The following SSPN variants were observed in gnomAD, a reference collection of about 807,000 sequenced individuals.
The protein encoded by SSPN is sarcospan, also known as K-ras oncogene-associated protein.
In SSPN, 15 loss-of-function variants were observed where a neutral mutation model predicts 19.1. The observed-to-expected ratio is 0.78, with a 90% CI of 0.52 to 1.21. The LOEUF (loss-of-function observed/expected upper bound fraction) is 1.21, where lower values mean the gene tolerates loss of function less well. Among genes scored for constraint, SSPN ranks in the 50% most tolerant of loss-of-function variants. The probability of loss-of-function intolerance (pLI) is 0.00; values close to 1 mark genes in which losing one functional copy is unlikely to be tolerated. For missense variants in SSPN, 291 were observed against 314.0 expected (o/e 0.93, Z 0.55); for synonymous variants, 147 against 140.3 (o/e 1.05, Z -0.34).
intron 1 of SSPN, among the ~76,000 whole-genome samples, chr12:26,163,063 G>GTGTGTGTA (rs1944599763): frequency 7.5e-6 from 1 of 132,774 alleles, no homozygotes; most frequent in South Asian, 2.4e-4. Context: ...GTGTGTGTAT[G>GTGTGTGTA]TGTGTGTGTG....
chr12:26,152,268 C>T (rs930432288), intron 1 of SSPN, among the ~76,000 whole-genome samples: 2 of 152,084 alleles, frequency 1.3e-5, no homozygotes, highest in Admixed American at 1.3e-4. Flanking sequence ...GTAATATTTC[C>T]ACCAAACAGA....
At chr12:26,122,469 A>G in intron 1 of SSPN, 2 of 1,347,686 alleles carry the variant, frequency 1.5e-6, no homozygotes, top group Admixed American at 2.8e-5. Flanking sequence ...GCAGAAGGGC[A>G]GGCAGAAGGG....
intron 1 of SSPN, among the ~76,000 whole-genome samples, chr12:26,205,746 A>T (rs1253610580): frequency 6.6e-6 from 1 of 152,228 alleles, no homozygotes; most frequent in African/African-American, 2.4e-5. Flanking sequence ...ATGATCATAA[A>T]TGAGAAGGGA....
upstream of SSPN, among the ~76,000 whole-genome samples, chr12:26,191,768 C>A (rs957726952): frequency 6.6e-6 from 1 of 151,844 alleles, no homozygotes; most frequent in African/African-American, 2.4e-5. Context: ...TTAGGTATGG[C>A]GGCCAGCAAG....
At chr12:26,175,992 A>G (rs1944681517) in intron 1 of SSPN, among the ~76,000 whole-genome samples, 2 of 152,056 alleles carry the variant, frequency 1.3e-5, no homozygotes, top group Admixed American at 6.5e-5. Flanking sequence ...ATATGCCACC[A>G]CGTCTGGCTA....
At chr12:26,149,052 A>G (rs1387459711) in intron 1 of SSPN, among the ~76,000 whole-genome samples, 1 of 152,146 alleles carries the variant, frequency 6.6e-6, no homozygotes, top group East Asian at 1.9e-4. Flanking sequence ...GTAATGGTAG[A>G]TTTTTCTTCT....
At chr12:26,121,993 T>G in exon 1 of SSPN, 3 of 1,542,672 alleles carry the variant, frequency 1.9e-6, no homozygotes, top group Non-Finnish European at 2.6e-6. Context: ...AACTTCTCAC[T>G]CTGCTTGAAC....
intron 1 of SSPN, among the ~76,000 whole-genome samples, chr12:26,140,846 A>T (rs1944456442): frequency 6.6e-6 from 1 of 152,204 alleles, no homozygotes; most frequent in South Asian, 2.1e-4. Context: ...TCTTTATAGC[A>T]ATGTGAGTAC....
At chr12:26,183,252 T>C (rs531514065) in intron 1 of SSPN, among the ~76,000 whole-genome samples, 24 of 152,360 alleles carry the variant, frequency 1.6e-4, no homozygotes, top group Non-Finnish European at 2.9e-4. Flanking sequence ...TTTCTACCTT[T>C]ATATTAGTAT....
At chr12:26,150,304 A>G (rs966217421) in intron 1 of SSPN, among the ~76,000 whole-genome samples, 1 of 152,184 alleles carries the variant, frequency 6.6e-6, no homozygotes, top group Non-Finnish European at 1.5e-5. Context: ...GTATTTTGAC[A>G]CTGAGAGCAA....
chr12:26,127,847 T>C (rs1032851993), intron 1 of SSPN, among the ~76,000 whole-genome samples: 8 of 152,246 alleles, frequency 5.3e-5, no homozygotes, highest in African/African-American at 1.4e-4. Flanking sequence ...TTCTGGAATA[T>C]TGGGCATAGT....
intron 1 of SSPN, among the ~76,000 whole-genome samples, chr12:26,144,007 G>A (rs1336780259): frequency 6.6e-6 from 1 of 152,082 alleles, no homozygotes; most frequent in Non-Finnish European, 1.5e-5. Flanking sequence ...ACAAGCTCAG[G>A]TCTCCCACTG....
chr12:26,212,585 T>G (rs999115583), intron 1 of SSPN, among the ~76,000 whole-genome samples: 5 of 152,114 alleles, frequency 3.3e-5, no homozygotes, highest in Non-Finnish European at 5.9e-5. Context: ...CAGGCAGAAC[T>G]TAGTTCTTCC....
At chr12:26,204,632 C>T (rs1395486661) in intron 1 of SSPN, among the ~76,000 whole-genome samples, 2 of 152,160 alleles carry the variant, frequency 1.3e-5, no homozygotes, top group East Asian at 3.9e-4. Context: ...CACCCCCCAC[C>T]CGCCCTTTGA....
At chr12:26,229,221 A>G (rs1204300922) in intron 2 of SSPN, among the ~76,000 whole-genome samples, 1 of 151,296 alleles carries the variant, frequency 6.6e-6, no homozygotes, top group Non-Finnish European at 1.5e-5. Flanking sequence ...CATGATACTA[A>G]TTAAGATGTA....
chr12:26,195,078 C>A (rs1232672005), upstream of SSPN, among the ~76,000 whole-genome samples: 1 of 152,018 alleles, frequency 6.6e-6, no homozygotes, highest in Non-Finnish European at 1.5e-5. Flanking sequence ...CACCTAAATG[C>A]GAAAAATGCC....
chr12:26,211,195 T>G (rs1054884929), intron 1 of SSPN: 1 of 152,196 alleles, frequency 6.6e-6, no homozygotes, highest in African/African-American at 2.4e-5. Context: ...ACAATTCTGT[T>G]GGTTATGCTT....
intron 1 of SSPN, among the ~76,000 whole-genome samples, chr12:26,163,661 T>C (rs1462794052): frequency 6.6e-6 from 1 of 152,214 alleles, no homozygotes; most frequent in Non-Finnish European, 1.5e-5. Flanking sequence ...GGAGCAGCAG[T>C]CATGGCTTAT....
intron 1 of SSPN, among the ~76,000 whole-genome samples, chr12:26,219,533 G>T (rs1013560759): frequency 6.6e-6 from 1 of 152,160 alleles, no homozygotes; most frequent in East Asian, 1.9e-4. Flanking sequence ...TAACTTTCTA[G>T]CTCACAAGAG....
Sources: gnomAD v4.1 joint callset for allele counts (sites outside exome capture counted in the v4.1 genomes callset) on GRCh38, gnomAD v4.1.1 for gene constraint, MANE v1.5 for transcripts, NCBI Gene and HGNC (gene_info 2026-07-23, HGNC 2026-07-21) for gene names.